The following TFB1M variants were observed in gnomAD, a reference collection of about 807,000 sequenced individuals.
TFB1M encodes the protein transcription factor B1, mitochondrial.
Under a neutral mutation model 31.1 loss-of-function variants are expected in TFB1M, and 27 were observed. The observed-to-expected ratio is 0.87, with a 90% CI of 0.64 to 1.20. The LOEUF (loss-of-function observed/expected upper bound fraction) is 1.20, where lower values mean the gene tolerates loss of function less well. Ranked by LOEUF, TFB1M falls within the 50% of genes most tolerant of loss-of-function variation. The pLI, the probability that TFB1M is intolerant of heterozygous loss-of-function variation, is 0.00. For missense variants in TFB1M, 394 were observed against 418.7 expected, an observed-to-expected ratio of 0.94 and a Z score of 0.51; for synonymous variants, 166 against 151.8, an observed-to-expected ratio of 1.09 and a Z score of -0.69.
Position 155,260,284 on chromosome 6 carries a change from A to G in TFB1M, c.783T>C (p.His261=). 6.2e-7 allele frequency: 1 copy of G among 1,614,252 alleles called. No individual in the cohort carries two copies. Among genetic ancestry groups the G allele is most frequent in the Non-Finnish European group, 8.5e-7 (1 of 1,180,028 alleles). Residue 261 remains histidine (H), a synonymous_variant, in exon 6 of 7, where the codon CAT becomes CAC. Transcript: ENST00000367166. The stretch of plus-strand genomic sequence containing the variant: ...AAAGGCATTCTTACCTGAGCCCTCG[A>G]TGGCAGTATTTCCTTCGGAACTGAA... ...NVFQFRRKYC[H]RGLRMLFPEA... is the part of the protein sequence containing the mutation.
chr6:155,244,580 T>C, the TFB1M span: 4 of 1,502,406 alleles, frequency 2.7e-6, no homozygotes, highest in Non-Finnish European at 3.6e-6. Flanking sequence ...TTGTGATTTA[T>C]TTGTGGGCCT....
chr6:155,276,285 A>G, intron 5 of TFB1M: 1 of 1,614,126 alleles, frequency 6.2e-7, no homozygotes, highest in Non-Finnish European at 8.5e-7. Flanking sequence ...ATAAAAAGGA[A>G]TCCAGAAGCT....
chr6:155,286,956 A>C (rs941481866), intron 4 of TFB1M, among the ~76,000 whole-genome samples: 3 of 152,182 alleles, frequency 2.0e-5, no homozygotes, highest in African/African-American at 7.2e-5. Flanking sequence ...ATTCCTGTAC[A>C]TCAATAATCA....
chr6:155,297,772 A>G (rs1388861557), intron 3 of TFB1M, among the ~76,000 whole-genome samples: 1 of 152,240 alleles, frequency 6.6e-6, no homozygotes, highest in Non-Finnish European at 1.5e-5. Flanking sequence ...AAGGTTTGAA[A>G]CAGGTAATGA....
intron 2 of TFB1M, among the ~76,000 whole-genome samples, chr6:155,307,935 C>T (rs1366042757): frequency 1.3e-5 from 2 of 151,612 alleles, no homozygotes; most frequent in Non-Finnish European, 2.9e-5. Context: ...GAGAGGAAAT[C>T]TGTACTACTT....
At chr6:155,248,738 C>CA in the TFB1M span, among the ~76,000 whole-genome samples, 3 of 152,200 alleles carry the variant, frequency 2.0e-5, no homozygotes, top group Non-Finnish European at 4.4e-5. Context: ...ATCAAAAACA[C>CA]AAAGCCTTGC....
intron 5 of TFB1M, among the ~76,000 whole-genome samples, chr6:155,268,711 G>A (rs1185556138): frequency 1.3e-5 from 2 of 151,666 alleles, no homozygotes; most frequent in African/African-American, 2.4e-5. Flanking sequence ...GATTAAGGGC[G>A]GTGCAAGATG....
intron 5 of TFB1M, among the ~76,000 whole-genome samples, chr6:155,274,588 C>T (rs956747595): frequency 6.6e-6 from 1 of 152,198 alleles, no homozygotes; most frequent in Non-Finnish European, 1.5e-5. Context: ...TTAGAAAGGA[C>T]CTCATGTTCT....
intron 3 of TFB1M, among the ~76,000 whole-genome samples, chr6:155,297,323 G>A (rs892078330): frequency 6.6e-6 from 1 of 152,072 alleles, no homozygotes; most frequent in African/African-American, 2.4e-5. Context: ...TTACTGCTCA[G>A]TTACTCAGAG....
intron 5 of TFB1M, among the ~76,000 whole-genome samples, chr6:155,263,164 T>A (rs186823473): frequency 7.9e-5 from 12 of 152,274 alleles, no homozygotes; most frequent in Non-Finnish European, 1.5e-4. Flanking sequence ...ATGGAGCCCA[T>A]TTTTTTCTAG....
the TFB1M span, chr6:155,249,915 T>G: frequency 6.2e-7 from 1 of 1,614,032 alleles, no homozygotes; most frequent in South Asian, 1.1e-5. Context: ...TCTATGAGGA[T>G]TATGGGACCG....
intron 5 of TFB1M, among the ~76,000 whole-genome samples, chr6:155,275,104 T>A (rs907008263): frequency 6.6e-6 from 1 of 150,996 alleles, no homozygotes; most frequent in Admixed American, 6.6e-5. Context: ...CGGGCGCCTG[T>A]AGTCCCAGCT....
intron 5 of TFB1M, among the ~76,000 whole-genome samples, chr6:155,267,691 C>G (rs1361374543): frequency 2.0e-5 from 3 of 152,078 alleles, no homozygotes; most frequent in Non-Finnish European, 4.4e-5. Flanking sequence ...GGAGCAGGTG[C>G]GACAGTGCTA....
At chr6:155,247,321 A>G in the TFB1M span, among the ~76,000 whole-genome samples, 1 of 151,978 alleles carries the variant, frequency 6.6e-6, no homozygotes, top group Non-Finnish European at 1.5e-5. Flanking sequence ...ACATTGCTTA[A>G]TGGCTTTTTT....
intron 4 of TFB1M, among the ~76,000 whole-genome samples, chr6:155,286,572 T>TAC: frequency 6.7e-6 from 1 of 148,350 alleles, no homozygotes; most frequent in South Asian, 2.1e-4. Context: ...TGTATATATA[T>TAC]ACATGTGTAT....
chr6:155,292,259 C>T (rs976188150), intron 4 of TFB1M, among the ~76,000 whole-genome samples: 2 of 152,074 alleles, frequency 1.3e-5, no homozygotes, highest in South Asian at 2.1e-4. Context: ...AACGCACACA[C>T]GCGGTGCTCA....
chr6:155,254,388 C>CTTCTGCTG (rs765410701), downstream of TFB1M: 1 of 1,606,682 alleles, frequency 6.2e-7, no homozygotes. Context: ...ACTGTGGACA[C>CTTCTGCTG]TTCTGCTGTT....
intron 5 of TFB1M, among the ~76,000 whole-genome samples, chr6:155,265,809 T>C (rs1275905173): frequency 2.7e-5 from 4 of 149,350 alleles, no homozygotes; most frequent in African/African-American, 9.8e-5. Flanking sequence ...GAAGAGTTTA[T>C]TAAGTATTAA....
intron 4 of TFB1M, among the ~76,000 whole-genome samples, chr6:155,291,096 A>G (rs1282591680): frequency 6.6e-6 from 1 of 152,112 alleles, no homozygotes. Context: ...CCTCTGATTT[A>G]TTTTATAGCT....
Sources: gnomAD v4.1 joint callset for allele counts (sites outside exome capture counted in the v4.1 genomes callset) on GRCh38, gnomAD v4.1.1 for gene constraint, MANE v1.5 for transcripts, NCBI Gene and HGNC (gene_info 2026-07-23, HGNC 2026-07-21) for gene names.